Variants in MBD5 observed in about 807,000 individuals in gnomAD.
The protein encoded by MBD5 is methyl-CpG-binding domain protein 5.
In MBD5, 13 loss-of-function variants were observed where a neutral mutation model predicts 117.3. That is an observed-to-expected ratio of 0.11 (90% CI 0.07 to 0.18). The LOEUF is 0.18. Ranked by LOEUF, MBD5 falls within the 10% of genes least tolerant of loss-of-function variation. The pLI, the probability that MBD5 is intolerant of heterozygous loss-of-function variation, is 1.00. For synonymous variants in MBD5, 727 were observed against 766.4 expected, an observed-to-expected ratio of 0.95 and a Z score of 0.85; for missense variants, 1,879 against 2,093.8, an observed-to-expected ratio of 0.90 and a Z score of 2.00.
At chr2:148,393,793 A>G (rs558267146) in intron 4 of MBD5, among the ~76,000 whole-genome samples, 10 of 152,300 alleles carry the variant, frequency 6.6e-5, no homozygotes, top group African/African-American at 2.4e-4. Flanking sequence ...TGAACTTCAG[A>G]TAGAACAGAT....
chr2:148,039,894 C>T (rs1694307309), intron 1 of MBD5, among the ~76,000 whole-genome samples: 3 of 152,090 alleles, frequency 2.0e-5, no homozygotes, highest in African/African-American at 7.2e-5. Flanking sequence ...ACTTTGGGCA[C>T]ATATTCCTGC....
chr2:148,251,413 A>G (rs947117525), intron 3 of MBD5, among the ~76,000 whole-genome samples: 2 of 152,318 alleles, frequency 1.3e-5, no homozygotes, highest in African/African-American at 2.4e-5. Context: ...CATCATTCTT[A>G]TCATCAAAAT....
chr2:148,168,784 T>C (rs1698188508), intron 1 of MBD5, among the ~76,000 whole-genome samples: 1 of 151,888 alleles, frequency 6.6e-6, no homozygotes, highest in South Asian at 2.1e-4. Flanking sequence ...GTCAGAGATA[T>C]CTCTAAGGAC....
At chr2:148,406,377 G>A (rs1705078230) in intron 4 of MBD5, among the ~76,000 whole-genome samples, 3 of 152,128 alleles carry the variant, frequency 2.0e-5, no homozygotes. Context: ...ATTGGTCAGA[G>A]TTAACTACAG....
At chr2:148,481,913 A>C (rs1681166750) in intron 8 of MBD5, 1 of 152,234 alleles carries the variant, frequency 6.6e-6, no homozygotes, top group South Asian at 2.1e-4. Flanking sequence ...TTAAATTCCC[A>C]GAATTTTCAT....
intron 4 of MBD5, among the ~76,000 whole-genome samples, chr2:148,381,705 A>C (rs1704148523): frequency 6.6e-6 from 1 of 152,226 alleles, no homozygotes; most frequent in Non-Finnish European, 1.5e-5. Context: ...GGGCAGCCAG[A>C]GAGAAAGGTC....
intron 2 of MBD5, among the ~76,000 whole-genome samples, chr2:148,229,025 G>T (rs866133111): frequency 6.6e-6 from 1 of 151,758 alleles, no homozygotes; most frequent in South Asian, 2.1e-4. Context: ...TCTTGCTAGT[G>T]GTCTATCAAT....
chr2:148,399,784 G>T (rs1704857567), intron 4 of MBD5, among the ~76,000 whole-genome samples: 3 of 152,110 alleles, frequency 2.0e-5, no homozygotes, highest in South Asian at 2.1e-4. Context: ...GATATTGGCT[G>T]TGGGTTTGTC....
intron 3 of MBD5, among the ~76,000 whole-genome samples, chr2:148,272,366 C>A (rs773643089): frequency 6.6e-6 from 1 of 152,184 alleles, no homozygotes; most frequent in African/African-American, 2.4e-5. Context: ...ATACTGTTTT[C>A]CATAATGACT....
chr2:148,244,871 T>C (rs995999605), intron 3 of MBD5, among the ~76,000 whole-genome samples: 3 of 152,292 alleles, frequency 2.0e-5, no homozygotes, highest in African/African-American at 7.2e-5. Context: ...TTTTTTCCTA[T>C]GACCCATGAA....
intron 4 of MBD5, among the ~76,000 whole-genome samples, chr2:148,369,041 A>G (rs752699154): frequency 1.3e-5 from 2 of 152,144 alleles, no homozygotes; most frequent in Non-Finnish European, 2.9e-5. Context: ...GGAGAAGGAC[A>G]CAGCATCGCC....
rs11316954 is a variant in MBD5 at position 148,269,668 on chromosome 2, GTTT to G, written c.-680+36289_-680+36291del. Among the ~76,000 whole-genome samples, 284 of 125,828 alleles carry G rather than the reference GTTT, an allele frequency of 2.3e-3. 1 individual carries two copies. The highest frequency in any genetic ancestry group is 7.5e-3 in the African/African-American group (254 of 33,802). 82.5% of individuals were successfully genotyped at this position (125,828 alleles called of 152,430 possible). On this transcript the variant is annotated intron_variant, in intron 3 of 13. Transcript: ENST00000642680. ...ATATATCTAATTGTGAGTTTTTTTA[GTTT>G]TTTTTTTTTTTTTTTAGTGTAGTAT... is the stretch of plus-strand genomic sequence containing the variant.
At chr2:148,347,151 C>T (rs1376712641) in intron 4 of MBD5, 1 of 152,032 alleles carries the variant, frequency 6.6e-6, no homozygotes, top group African/African-American at 2.4e-5. Context: ...CTGACTTCCA[C>T]TACAATATAC....
intron 1 of MBD5, among the ~76,000 whole-genome samples, chr2:148,155,012 G>A (rs1697832284): frequency 6.6e-6 from 1 of 152,274 alleles, no homozygotes; most frequent in South Asian, 2.1e-4. Context: ...AGGTGCAATA[G>A]TGATATAAAG....
intron 1 of MBD5, among the ~76,000 whole-genome samples, chr2:148,112,478 T>C (rs1696524167): frequency 6.6e-6 from 1 of 152,194 alleles, no homozygotes; most frequent in East Asian, 1.9e-4. Context: ...ACTTTATACT[T>C]GGTGCAAAAC....
At chr2:148,023,523 A>G (rs978146448) in intron 1 of MBD5, among the ~76,000 whole-genome samples, 7 of 152,218 alleles carry the variant, frequency 4.6e-5, no homozygotes, top group Admixed American at 1.3e-4. Flanking sequence ...GCACTTAAGC[A>G]GAAATCTGTG....
chr2:148,306,299 T>C (rs1458065658), intron 3 of MBD5, among the ~76,000 whole-genome samples: 1 of 152,214 alleles, frequency 6.6e-6, no homozygotes, highest in Non-Finnish European at 1.5e-5. Context: ...AAGAGGGCTT[T>C]GTAAGCATTG....
At chr2:148,127,706 T>C (rs1208299003) in intron 1 of MBD5, among the ~76,000 whole-genome samples, 3 of 152,236 alleles carry the variant, frequency 2.0e-5, no homozygotes, top group Non-Finnish European at 4.4e-5. Flanking sequence ...CATGCATGTA[T>C]CTTTATAACA....
At chr2:148,461,107 A>G (rs529865444) in intron 5 of MBD5, among the ~76,000 whole-genome samples, 25 of 152,188 alleles carry the variant, frequency 1.6e-4, no homozygotes, top group African/African-American at 5.5e-4. Flanking sequence ...TAATGTTTGT[A>G]TTTTTAGTAG....
Sources: gnomAD v4.1 joint callset for allele counts (sites outside exome capture counted in the v4.1 genomes callset) on GRCh38, gnomAD v4.1.1 for gene constraint, MANE v1.5 for transcripts, NCBI Gene and HGNC (gene_info 2026-07-23, HGNC 2026-07-21) for gene names.